Variants in CUX1 observed in about 807,000 individuals in gnomAD.
CUX1 encodes the protein protein CASP.
A neutral mutation model predicts 158.8 loss-of-function variants in CUX1; 31 were observed. The observed-to-expected ratio is 0.20, with a 90% CI of 0.15 to 0.26. The LOEUF is 0.26. Among genes scored for constraint, CUX1 ranks in the 10% least tolerant of loss-of-function variants. The pLI, the probability that CUX1 is intolerant of heterozygous loss-of-function variation, is 1.00. For synonymous variants in CUX1, 879 were observed against 862.1 expected (o/e 1.02, Z -0.34); for missense variants, 1,589 against 2,014.6 (o/e 0.79, Z 4.04).
chr7:102,075,439 G>A (rs190829400), intron 4 of CUX1, among the ~76,000 whole-genome samples: 126 of 152,312 alleles, frequency 8.3e-4, no homozygotes, highest in South Asian at 7.3e-3. Flanking sequence ...CGGGGACCCT[G>A]CCATTCACTT....
downstream of CUX1, among the ~76,000 whole-genome samples, chr7:102,260,369 G>A (rs1693539418): frequency 6.7e-6 from 1 of 148,624 alleles, no homozygotes; most frequent in Admixed American, 6.8e-5. Flanking sequence ...GATTACAGGC[G>A]TGAGCCACCG....
At chr7:102,111,240 T>A (rs2131069590) in intron 6 of CUX1, among the ~76,000 whole-genome samples, 1 of 152,296 alleles carries the variant, frequency 6.6e-6, no homozygotes, top group African/African-American at 2.4e-5. Context: ...TGCAGTTGCG[T>A]TTGCATTCCA....
intron 2 of CUX1, among the ~76,000 whole-genome samples, chr7:102,012,711 G>C (rs1004920724): frequency 7.7e-6 from 1 of 130,682 alleles, no homozygotes; most frequent in African/African-American, 2.8e-5. Context: ...GGGGCGGGGG[G>C]AGGGGGTTGT....
At chr7:102,092,982 C>A (rs1485657957) in intron 4 of CUX1, among the ~76,000 whole-genome samples, 1 of 151,066 alleles carries the variant, frequency 6.6e-6, no homozygotes, top group African/African-American at 2.4e-5. Flanking sequence ...TCTCCAGGAG[C>A]GCTCTTCCAC....
chr7:102,250,799 T>G lies in CUX1; in HGVS notation c.*1757T>G. On this transcript the variant is annotated 3_prime_UTR_variant, in exon 24 of 24. Coordinates refer to ENST00000292535, the MANE Select transcript of CUX1 (RefSeq NM_181552.4). ...GAGAGTGTGCGTGCGTGTGCGTGTG[T>G]GCAATTTTATACGTCTGTGTATTTT... is the stretch of plus-strand genomic sequence containing the variant. 3.0e-6 allele frequency: 3 copies of G among 985,406 alleles called. No individual in the cohort carries two copies. The highest frequency in any genetic ancestry group is 3.6e-6 in the Non-Finnish European group (3 of 829,918). The allele number at this position is 985,406 out of a possible 1,614,324, so 61.0% of individuals were successfully genotyped here.
chr7:102,267,077 T>TG (rs1474196629), intron 14 of CUX1, among the ~76,000 whole-genome samples: 1 of 151,702 alleles, frequency 6.6e-6, no homozygotes, highest in Admixed American at 6.6e-5. Flanking sequence ...GGGAGCCGGC[T>TG]GGGGGGGCTC....
chr7:102,218,533 T>C (rs1170988943), intron 20 of CUX1, among the ~76,000 whole-genome samples: 1 of 149,568 alleles, frequency 6.7e-6, no homozygotes, highest in Non-Finnish European at 1.5e-5. Context: ...ATAATAATTA[T>C]AGTAAATTAG....
At chr7:102,128,048 A>C (rs1335471845) in intron 8 of CUX1, among the ~76,000 whole-genome samples, 3 of 152,000 alleles carry the variant, frequency 2.0e-5, no homozygotes, top group Admixed American at 2.0e-4. Flanking sequence ...GGGTTTCGCC[A>C]GTTGGCCAAG....
chr7:102,127,876 C>T (rs1832818175), intron 8 of CUX1, among the ~76,000 whole-genome samples: 2 of 152,050 alleles, frequency 1.3e-5, no homozygotes, highest in South Asian at 2.1e-4. Context: ...GAGACGGAGT[C>T]CTGCTCTGTC....
Position 102,278,624 on chromosome 7 carries a change from A to T in CUX1, c.1680+559A>T, listed in dbSNP as rs188359696. Reference sequence around the variant, plus strand: ...AAAATAAAATAAAAATAAATAAAATAAAATTAAAATAAAATAAAATAAAAT... The same window carrying T: ...AAAATAAAATAAAAATAAATAAAATTAAATTAAAATAAAATAAAATAAAAT... On this transcript the variant is annotated intron_variant, in intron 18 of 22. Transcript: ENST00000292538. Among the ~76,000 whole-genome samples, 126 of 125,776 alleles carry T rather than the reference A, an allele frequency of 1.0e-3. 1 individual carries two copies. Among genetic ancestry groups the T allele is most frequent in the Admixed American group, 3.8e-3 (44 of 11,588 alleles). 82.5% of individuals were successfully genotyped at this position (125,776 alleles called of 152,430 possible).
intron 11 of CUX1, among the ~76,000 whole-genome samples, chr7:102,184,643 T>G (rs1367326806): frequency 1.3e-5 from 2 of 152,092 alleles, no homozygotes; most frequent in Non-Finnish European, 2.9e-5. Context: ...GATTCATGCA[T>G]TTTATTTTAT....
chr7:102,117,932 G>A (rs1831607711), intron 8 of CUX1, among the ~76,000 whole-genome samples: 1 of 152,216 alleles, frequency 6.6e-6, no homozygotes, highest in Non-Finnish European at 1.5e-5. Context: ...ACCACGTAAT[G>A]TAATAGTTCC....
chr7:102,274,173 G>T, intron 15 of CUX1: 5 of 1,477,778 alleles, frequency 3.4e-6, no homozygotes, highest in Non-Finnish European at 4.7e-6. Context: ...ATTTGCCTTG[G>T]CCATGCTGAA....
At chr7:101,932,234 C>T (rs769289157) in intron 2 of CUX1, 18 of 159,928 alleles carry the variant, frequency 1.1e-4, no homozygotes, top group Middle Eastern at 3.2e-3. Flanking sequence ...ATTTTTGGCC[C>T]GGGCCATCAG....
chr7:102,147,147 C>T (rs547656776), intron 8 of CUX1, among the ~76,000 whole-genome samples: 3 of 152,210 alleles, frequency 2.0e-5, no homozygotes, highest in South Asian at 2.1e-4. Flanking sequence ...GTGGGGCCAC[C>T]GTGGAGTGTG....
rs1554539817 is a variant in CUX1, at chr7:102,250,836, G to A, written c.*1794G>A. ...CGTCTGTGTATTTTCTTAAGTACCT[G>A]TGCACACGTAGAGTGCATTACTGCC... On this transcript the variant is annotated 3_prime_UTR_variant, in exon 24 of 24. Transcript: ENST00000292535. 1 of 985,284 alleles carries A rather than the reference G, an allele frequency of 1.0e-6. No homozygotes were observed. The highest frequency in any genetic ancestry group is 1.7e-5 in the African/African-American group (1 of 57,216). 61.0% of individuals were successfully genotyped at this position (985,284 alleles called of 1,614,324 possible). A position where few individuals can be genotyped will look rare whatever the true frequency, so the allele number is the denominator to read the frequency against.
chr7:101,826,458 TC>T (rs1793310496), intron 1 of CUX1, among the ~76,000 whole-genome samples: 2 of 152,078 alleles, frequency 1.3e-5, no homozygotes, highest in South Asian at 4.1e-4. Flanking sequence ...CTCCTTGGTC[TC>T]CTAAAGTACT....
At chr7:102,103,690 C>G (rs1168435375) in intron 5 of CUX1, among the ~76,000 whole-genome samples, 10 of 151,774 alleles carry the variant, frequency 6.6e-5, no homozygotes, top group Non-Finnish European at 1.5e-5. Flanking sequence ...TCACGTTGGC[C>G]TCCTAAAGTT....
intron 8 of CUX1, among the ~76,000 whole-genome samples, chr7:102,135,565 G>GTGTGTT (rs1254549269): frequency 4.4e-5 from 6 of 135,258 alleles, no homozygotes; most frequent in Non-Finnish European, 1.7e-5. Flanking sequence ...TTGTGTGTGT[G>GTGTGTT]TGTGTTTGTG....
Sources: gnomAD v4.1 joint callset for allele counts (sites outside exome capture counted in the v4.1 genomes callset) on GRCh38, gnomAD v4.1.1 for gene constraint, MANE v1.5 for transcripts, NCBI Gene and HGNC (gene_info 2026-07-23, HGNC 2026-07-21) for gene names.